The following KCNMB2 variants were observed in gnomAD, a reference collection of about 807,000 sequenced individuals.
KCNMB2 encodes the protein calcium-activated potassium channel subunit beta-2.
In KCNMB2, 9 loss-of-function variants were observed where a neutral mutation model predicts 24.5. The ratio of observed to expected loss-of-function variants is 0.37; its 90% CI spans 0.22 to 0.64. KCNMB2 has a LOEUF of 0.64. Among genes scored for constraint, KCNMB2 ranks in the 30% least tolerant of loss-of-function variants. KCNMB2 has a pLI of 0.63. For missense variants in KCNMB2, 226 were observed against 284.3 expected (o/e 0.79, Z 1.47); for synonymous variants, 109 against 104.4 (o/e 1.04, Z -0.27).
In KCNMB2 at chr3:178,790,486, T is replaced by C. The variant is rs567729554; in HGVS notation, c.-67-16857T>C. Among the ~76,000 whole-genome samples the C allele has an allele frequency of 1.1e-4, 16 of 152,260 alleles. No homozygotes were observed. In the South Asian group the frequency reaches 3.1e-3, roughly 30 times the overall value. The stretch of plus-strand genomic sequence containing the variant: ...TGGGATCCCCAATTCCATATCTTGG[T>C]TCCTGAATGGCATTTCTGGACTCAT... On this transcript the variant is annotated intron_variant, in intron 1 of 4. Transcript: ENST00000452583.
At chr3:178,769,645 C>A (rs1211035636) in intron 1 of KCNMB2, among the ~76,000 whole-genome samples, 1 of 152,108 alleles carries the variant, frequency 6.6e-6, no homozygotes, top group East Asian at 1.9e-4. Flanking sequence ...CAAATTAATT[C>A]AAAAATTCAG....
intron 1 of KCNMB2, among the ~76,000 whole-genome samples, chr3:178,557,342 C>T (rs146403638): frequency 1.1e-4 from 16 of 152,070 alleles, no homozygotes; most frequent in Non-Finnish European, 1.9e-4. Context: ...AGTATAGTAC[C>T]GGGGTGGCGG....
chr3:178,750,891 T>C lies in KCNMB2; in HGVS notation c.-67-56452T>C, dbSNP rs1723823009. ...AACTTCCTGCTTCATGTAATGCTCA[T>C]GTTCTTTTAAATTCTGCCTGAGTAC... is the stretch of plus-strand genomic sequence containing the variant. On this transcript the variant is annotated intron_variant, in intron 1 of 4. Transcript: ENST00000452583. Among the ~76,000 whole-genome samples the C allele has an allele frequency of 2.0e-5, 3 of 152,236 alleles. No individual in the cohort carries two copies. In the South Asian group the frequency reaches 6.2e-4, roughly 32 times the overall value.
At chr3:178,668,112 A>G (rs2108579198) in intron 1 of KCNMB2, among the ~76,000 whole-genome samples, 1 of 152,270 alleles carries the variant, frequency 6.6e-6, no homozygotes, top group South Asian at 2.1e-4. Context: ...TTGCAAGCTC[A>G]GTTGTCTATT....
chr3:178,614,287 A>ATATATATATG (rs1718616833), intron 1 of KCNMB2, among the ~76,000 whole-genome samples: 15 of 74,496 alleles, frequency 2.0e-4, no homozygotes, highest in African/African-American at 6.7e-4. Context: ...ATATATATAT[A>ATATATATATG]TATATATATG....
intron 1 of KCNMB2, among the ~76,000 whole-genome samples, chr3:178,741,687 G>A (rs1723501676): frequency 6.6e-6 from 1 of 152,164 alleles, no homozygotes; most frequent in South Asian, 2.1e-4. Context: ...CTTCAGCTAT[G>A]AGAAAGCAAG....
chr3:178,681,292 A>G (rs1428750842), intron 1 of KCNMB2, among the ~76,000 whole-genome samples: 1 of 152,174 alleles, frequency 6.6e-6, no homozygotes, highest in Admixed American at 6.5e-5. Context: ...ACTTTACAGG[A>G]TTGTTGTAAG....
At chr3:178,811,921 T>C (rs768751927) in intron 2 of KCNMB2, among the ~76,000 whole-genome samples, 1 of 152,210 alleles carries the variant, frequency 6.6e-6, no homozygotes, top group African/African-American at 2.4e-5. Flanking sequence ...TGAGATTGAG[T>C]ATATTTCCTT....
At chr3:178,683,032 C>G (rs904201837) in intron 1 of KCNMB2, among the ~76,000 whole-genome samples, 1 of 152,022 alleles carries the variant, frequency 6.6e-6, no homozygotes, top group Non-Finnish European at 1.5e-5. Context: ...AAAGACACAT[C>G]CACTTGCGCA....
At chr3:178,722,157 G>A (rs767803441) in intron 1 of KCNMB2, among the ~76,000 whole-genome samples, 2 of 151,990 alleles carry the variant, frequency 1.3e-5, no homozygotes, top group Non-Finnish European at 2.9e-5. Flanking sequence ...AAAGTTTAGA[G>A]TTTGATGTTA....
chr3:178,644,702 C>T (rs983368534), intron 1 of KCNMB2, among the ~76,000 whole-genome samples: 4 of 152,198 alleles, frequency 2.6e-5, no homozygotes, highest in East Asian at 1.9e-4. Flanking sequence ...CTTTTATTTT[C>T]GCACTACCCA....
chr3:178,716,173 T>C (rs973237893), intron 1 of KCNMB2, among the ~76,000 whole-genome samples: 4 of 152,228 alleles, frequency 2.6e-5, no homozygotes, highest in Non-Finnish European at 5.9e-5. Context: ...GAGTTTAGCT[T>C]CTCTTCCATA....
At chr3:178,757,501 GAT>G (rs60064764) in intron 1 of KCNMB2, among the ~76,000 whole-genome samples, 1 of 32,822 alleles carries the variant, frequency 3.0e-5, no homozygotes, top group African/African-American at 1.9e-4. Context: ...TATCCAAGAG[GAT>G]ATATATATAT....
chr3:178,782,848 A>G lies in KCNMB2; in HGVS notation c.-67-24495A>G, dbSNP rs879688807. On this transcript the variant is annotated intron_variant, in intron 1 of 4. Coordinates refer to ENST00000452583, the MANE Select transcript of KCNMB2 (RefSeq NM_181361.3). ...TTGTTGCCATTGCTTTTGGTGTTTT[A>G]GACAGGAAGTCCTTGCCCATGCCTA... 8.1e-3 allele frequency among the ~76,000 whole-genome samples: 1,229 copies of G among 151,596 alleles called. 23 individuals are homozygous for G. The highest frequency in any genetic ancestry group is 0.067 in the East Asian group (342 of 5,124).
intron 1 of KCNMB2, among the ~76,000 whole-genome samples, chr3:178,663,663 T>C (rs187705030): frequency 6.6e-6 from 1 of 152,266 alleles, no homozygotes; most frequent in Admixed American, 6.5e-5. Context: ...AGCTGCTCTC[T>C]AGGGACCTAG....
At chr3:178,625,612 A>G (rs77468998) in intron 1 of KCNMB2, among the ~76,000 whole-genome samples, 12,055 of 152,296 alleles carry the variant, frequency 0.079, 565 homozygotes, top group Middle Eastern at 0.21. Flanking sequence ...GAATTATTAC[A>G]TAGTGTAGAA....
At chr3:178,593,444 A>G (rs1033955793) in intron 1 of KCNMB2, among the ~76,000 whole-genome samples, 1 of 152,066 alleles carries the variant, frequency 6.6e-6, no homozygotes, top group Non-Finnish European at 1.5e-5. Context: ...ATCAAAAGAC[A>G]TGATTTGACT....
intron 1 of KCNMB2, among the ~76,000 whole-genome samples, chr3:178,674,315 T>C (rs1721000386): frequency 6.6e-6 from 1 of 152,160 alleles, no homozygotes; most frequent in Non-Finnish European, 1.5e-5. Flanking sequence ...CTACTCAGCA[T>C]CTCCACTTAG....
Position 178,782,235 on chromosome 3 carries a change from A to G in KCNMB2, c.-67-25108A>G, listed in dbSNP as rs1293722545. On this transcript the variant is annotated intron_variant, in intron 1 of 4. Coordinates refer to ENST00000452583, the MANE Select transcript of KCNMB2 (RefSeq NM_181361.3). Reference sequence around the variant, plus strand: ...TTCCAAGTCTTTGCTATTGTGAATAATGCCACAATAAACATACGTGTGCAT... The same window carrying G: ...TTCCAAGTCTTTGCTATTGTGAATAGTGCCACAATAAACATACGTGTGCAT... Among the ~76,000 whole-genome samples the G allele has an allele frequency of 5.1e-3, 596 of 117,808 alleles. 10 individuals carry two copies. The highest frequency in any genetic ancestry group is 0.018 in the African/African-American group (554 of 30,636). The allele number at this position is 117,808 out of a possible 152,430, so 77.3% of individuals were successfully genotyped here.
Sources: allele counts gnomAD v4.1 joint callset (sites outside exome capture counted in the v4.1 genomes callset), GRCh38; gene constraint gnomAD v4.1.1; transcripts MANE v1.5; gene names NCBI Gene and HGNC (gene_info 2026-07-23, HGNC 2026-07-21).